Variants in CDH13 observed in about 807,000 individuals in gnomAD.
The protein encoded by CDH13 is cadherin 13.
Under a neutral mutation model 63.8 loss-of-function variants are expected in CDH13, and 24 were observed. That is an observed-to-expected ratio of 0.38 (90% CI 0.27 to 0.53). The LOEUF is 0.53. Ranked by LOEUF, CDH13 falls within the 20% of genes least tolerant of loss-of-function variation. The pLI, the probability that CDH13 is intolerant of heterozygous loss-of-function variation, is 0.85. For missense variants in CDH13, 1,049 were observed against 903.1 expected (o/e 1.16, Z -2.07); for synonymous variants, 503 against 355.3 (o/e 1.42, Z -4.67).
chr16:83,075,572 A>C (rs2032776273), intron 3 of CDH13, among the ~76,000 whole-genome samples: 1 of 152,094 alleles, frequency 6.6e-6, no homozygotes, highest in Non-Finnish European at 1.5e-5. Flanking sequence ...CCCTTGCTGC[A>C]CTCTCATCAT....
chr16:83,057,459 T>A (rs530587328), intron 3 of CDH13, among the ~76,000 whole-genome samples: 82 of 152,278 alleles, frequency 5.4e-4, no homozygotes, highest in Non-Finnish European at 1.1e-3. Flanking sequence ...ACTTTTGCAG[T>A]TTAATATATG....
chr16:83,251,130 T>C (rs143300404), intron 5 of CDH13, among the ~76,000 whole-genome samples: 1 of 152,268 alleles, frequency 6.6e-6, no homozygotes, highest in African/African-American at 2.4e-5. Flanking sequence ...CACATCTTGA[T>C]TGTATCCTAG....
intron 2 of CDH13, among the ~76,000 whole-genome samples, chr16:83,016,778 A>G (rs1014843795): frequency 6.6e-6 from 1 of 152,138 alleles, no homozygotes; most frequent in South Asian, 2.1e-4. Context: ...AGATATCCAC[A>G]AGGAAGGAAG....
chr16:82,710,552 A>AAAAAAATATATAT (rs60196638), intron 1 of CDH13, among the ~76,000 whole-genome samples: 8 of 63,776 alleles, frequency 1.3e-4, no homozygotes, highest in Non-Finnish European at 1.5e-4. Flanking sequence ...AAAAAAAAAA[A>AAAAAAATATATAT]ATATATATAT....
intron 7 of CDH13, among the ~76,000 whole-genome samples, chr16:83,512,763 C>G (rs190882760): frequency 5.9e-5 from 9 of 152,062 alleles, no homozygotes; most frequent in Non-Finnish European, 7.3e-5. Context: ...GGGCACCGAT[C>G]TAGACCAGTG....
chr16:83,525,481 G>A (rs139493639), intron 7 of CDH13, among the ~76,000 whole-genome samples: 48 of 152,328 alleles, frequency 3.2e-4, no homozygotes, highest in African/African-American at 1.1e-3. Flanking sequence ...ATACTGACTT[G>A]GTTGCAGTAT....
chr16:82,816,776 A>G (rs1032332102), intron 1 of CDH13, among the ~76,000 whole-genome samples: 1 of 128,362 alleles, frequency 7.8e-6, no homozygotes, highest in Non-Finnish European at 1.6e-5. Context: ...CGTCGTCACC[A>G]TCATCACTAC....
At chr16:83,299,081 G>T (rs2089669346) in intron 5 of CDH13, among the ~76,000 whole-genome samples, 1 of 152,072 alleles carries the variant, frequency 6.6e-6, no homozygotes, top group African/African-American at 2.4e-5. Context: ...TTTTTAGTAT[G>T]TACATATGCA....
chr16:83,643,360 T>G (rs183343195), intron 8 of CDH13, among the ~76,000 whole-genome samples: 1 of 152,144 alleles, frequency 6.6e-6, no homozygotes, highest in Admixed American at 6.5e-5. Context: ...GTTCTTTCCC[T>G]TCGTATATAT....
chr16:82,639,439 G>C, intron 1 of CDH13: 1 of 1,535,320 alleles, frequency 6.5e-7, no homozygotes, highest in Non-Finnish European at 8.7e-7. Flanking sequence ...GCCTGGGCGT[G>C]ACCCACCTGC....
intron 5 of CDH13, among the ~76,000 whole-genome samples, chr16:83,291,455 G>C (rs1380127347): frequency 6.6e-6 from 1 of 152,108 alleles, no homozygotes; most frequent in Admixed American, 6.6e-5. Flanking sequence ...TCCACCACCT[G>C]ATAGTGCAAA....
chr16:83,648,515 T>C (rs1912054751), intron 8 of CDH13, among the ~76,000 whole-genome samples: 2 of 152,164 alleles, frequency 1.3e-5, no homozygotes, highest in Admixed American at 6.5e-5. Context: ...AGGCTTAGTC[T>C]GAATGCTCAG....
chr16:82,924,071 G>T (rs575974313), intron 2 of CDH13, among the ~76,000 whole-genome samples: 2 of 152,224 alleles, frequency 1.3e-5, no homozygotes, highest in Admixed American at 1.3e-4. Flanking sequence ...TTCAATCAAA[G>T]TTGATGGAGA....
Position 83,039,635 on chromosome 16 carries a change from C to T in CDH13, c.366+7417C>T, listed in dbSNP as rs116630217. Among the ~76,000 whole-genome samples, 384 of 152,288 alleles carry T rather than the reference C, an allele frequency of 2.5e-3. 2 individuals are homozygous for T. The highest frequency in any genetic ancestry group is 9.0e-3 in the African/African-American group (373 of 41,556). On this transcript the variant is annotated intron_variant, in intron 3 of 13. Transcript: ENST00000567109. ...TTTCCCTTCTTCCTTCCTGTGTGTT[C>T]ACCACTCTATCCTCAGCACCCTGCC...
chr16:82,837,611 A>G (rs1020825686), intron 1 of CDH13, among the ~76,000 whole-genome samples: 8 of 152,160 alleles, frequency 5.3e-5, no homozygotes, highest in African/African-American at 1.4e-4. Context: ...TCCCCTCCCA[A>G]TGCAGTCACA....
At chr16:83,497,811 A>G (rs2074181932) in intron 7 of CDH13, among the ~76,000 whole-genome samples, 2 of 152,312 alleles carry the variant, frequency 1.3e-5, no homozygotes, top group African/African-American at 4.8e-5. Flanking sequence ...GAGCAGTTTT[A>G]TGTACTGACT....
At chr16:83,184,327 T>C (rs1302573114) in intron 4 of CDH13, among the ~76,000 whole-genome samples, 3 of 152,146 alleles carry the variant, frequency 2.0e-5, no homozygotes, top group African/African-American at 7.2e-5. Context: ...TAAAACTCTG[T>C]CGACTCTTTG....
chr16:83,359,863 A>T (rs1335786139), intron 6 of CDH13, among the ~76,000 whole-genome samples: 1 of 152,204 alleles, frequency 6.6e-6, no homozygotes, highest in Non-Finnish European at 1.5e-5. Flanking sequence ...ATATATTCAC[A>T]GAATTGTGCG....
chr16:82,911,001 G>A (rs1456117012), intron 2 of CDH13, among the ~76,000 whole-genome samples: 1 of 152,128 alleles, frequency 6.6e-6, no homozygotes, highest in Non-Finnish European at 1.5e-5. Flanking sequence ...ATGATGCTGA[G>A]GTTGGTGTAC....
Sources: allele counts gnomAD v4.1 joint callset (sites outside exome capture counted in the v4.1 genomes callset), GRCh38; gene constraint gnomAD v4.1.1; transcripts MANE v1.5; gene names NCBI Gene and HGNC (gene_info 2026-07-23, HGNC 2026-07-21).